The following CDYL variants were observed in gnomAD, a reference collection of about 807,000 sequenced individuals.
The protein encoded by CDYL is chromodomain Y like, also known as chromodomain Y-like protein.
Under a neutral mutation model 47.3 loss-of-function variants are expected in CDYL, and 8 were observed. The ratio of observed to expected loss-of-function variants is 0.17; its 90% CI spans 0.10 to 0.31. The LOEUF (loss-of-function observed/expected upper bound fraction) is 0.31. Among genes scored for constraint, CDYL ranks in the 10% least tolerant of loss-of-function variants. The probability of loss-of-function intolerance (pLI) is 1.00; values close to 1 mark genes in which losing one functional copy is unlikely to be tolerated. For synonymous variants in CDYL, 266 were observed against 265.0 expected (o/e 1.00, Z -0.04); for missense variants, 471 against 701.4 (o/e 0.67, Z 3.71).
rs138155497 is a variant in CDYL at position 4,947,150 on chromosome 6, G to A, written c.1332+3394G>A. Among the ~76,000 whole-genome samples, 523 of 152,332 alleles carry A rather than the reference G, an allele frequency of 3.4e-3. 1 individual carries two copies. The highest frequency in any genetic ancestry group is 0.017 in the Middle Eastern group (5 of 294). On this transcript the variant is annotated intron_variant, in intron 5 of 6. Transcript: ENST00000397588. ...GTGCAGCCCGTTTCAGGGAAGAGGC[G>A]AGTTACAGGCCTGACGCCAGGAGAG... is the stretch of plus-strand genomic sequence containing the variant.
intron 1 of CDYL, among the ~76,000 whole-genome samples, chr6:4,856,713 A>T (rs931982792): frequency 1.3e-5 from 2 of 152,210 alleles, no homozygotes; most frequent in African/African-American, 4.8e-5. Flanking sequence ...CAGAACTCTG[A>T]TGGGGAAGAC....
intron 3 of CDYL, among the ~76,000 whole-genome samples, chr6:4,771,157 A>G (rs1174710025): frequency 6.6e-6 from 1 of 151,824 alleles, no homozygotes; most frequent in East Asian, 1.9e-4. Flanking sequence ...TCTGCCATCC[A>G]GGCTGGAGTG....
intron 1 of CDYL, among the ~76,000 whole-genome samples, chr6:4,825,202 A>G (rs981462544): frequency 6.6e-6 from 1 of 151,986 alleles, no homozygotes; most frequent in African/African-American, 2.4e-5. Context: ...CCTTGCATGA[A>G]CCTATCACTT....
intron 1 of CDYL, among the ~76,000 whole-genome samples, chr6:4,810,729 G>A (rs1759503879): frequency 1.3e-5 from 2 of 152,162 alleles, no homozygotes; most frequent in African/African-American, 4.8e-5. Context: ...GCCTGGCGAG[G>A]GCTGCTCTCT....
rs1251538336 is a variant in CDYL at position 4,835,686 on chromosome 6, A to G, written c.25-56027A>G. Among the ~76,000 whole-genome samples, 6 of 152,324 alleles carry G rather than the reference A, an allele frequency of 3.9e-5. No homozygotes were observed. The South Asian group carries it at 1.0e-3, about 26-fold the overall frequency. Reference sequence around the variant, plus strand: ...TGCCCTGCCCCCAGAGGTGGAGCCTACAGAGGCAGGCAGGCAATCCTCCTT... The same window carrying G: ...TGCCCTGCCCCCAGAGGTGGAGCCTGCAGAGGCAGGCAGGCAATCCTCCTT... On this transcript the variant is annotated intron_variant, in intron 1 of 6. Transcript: ENST00000397588.
chr6:4,953,153 G>T (rs931440269), intron 6 of CDYL, among the ~76,000 whole-genome samples: 33 of 151,624 alleles, frequency 2.2e-4, no homozygotes, highest in Non-Finnish European at 3.2e-4. Context: ...GGAGGCCGAG[G>T]AGGGCAGATC....
upstream of CDYL, among the ~76,000 whole-genome samples, chr6:4,772,415 A>G (rs1188672671): frequency 6.6e-6 from 1 of 152,210 alleles, no homozygotes; most frequent in East Asian, 1.9e-4. Context: ...GACTGAAAAA[A>G]GGAATCAGCT....
chr6:4,819,619 G>C (rs1759777821), intron 1 of CDYL, among the ~76,000 whole-genome samples: 1 of 152,200 alleles, frequency 6.6e-6, no homozygotes, highest in Non-Finnish European at 1.5e-5. Context: ...GAGGTTACTA[G>C]TGATGCCATC....
At chr6:4,826,381 C>T (rs1303088117) in intron 1 of CDYL, among the ~76,000 whole-genome samples, 1 of 151,852 alleles carries the variant, frequency 6.6e-6, no homozygotes, top group Admixed American at 6.6e-5. Flanking sequence ...TATTTTCATC[C>T]TTCTGGTACC....
chr6:4,900,800 T>TAGATATAG (rs1561697564), intron 2 of CDYL, among the ~76,000 whole-genome samples: 29 of 83,078 alleles, frequency 3.5e-4, no homozygotes, highest in African/African-American at 1.4e-3. Context: ...TATATATATA[T>TAGATATAG]ATATATATAT....
At chr6:4,890,210 C>G (rs1160283419) in intron 1 of CDYL, 1 of 956,472 alleles carries the variant, frequency 1.0e-6, no homozygotes, top group Non-Finnish European at 1.2e-6. Flanking sequence ...TTTTAAAACT[C>G]TTAAACTATT....
intron 2 of CDYL, among the ~76,000 whole-genome samples, chr6:4,898,430 A>G (rs1461243445): frequency 6.6e-6 from 1 of 152,224 alleles, no homozygotes; most frequent in African/African-American, 2.4e-5. Flanking sequence ...CATGTCCTGT[A>G]TAGTGGGTCC....
chr6:4,898,854 C>T (rs754205494), intron 2 of CDYL, among the ~76,000 whole-genome samples: 21 of 152,194 alleles, frequency 1.4e-4, no homozygotes, highest in Non-Finnish European at 2.4e-4. Flanking sequence ...TGATTGATGT[C>T]GAACCAAGGC....
intron 1 of CDYL, among the ~76,000 whole-genome samples, chr6:4,810,726 G>A (rs181592191): frequency 1.3e-5 from 2 of 152,268 alleles, no homozygotes; most frequent in Admixed American, 6.5e-5. Context: ...GGTGCCTGGC[G>A]AGGGCTGCTC....
chr6:4,792,263 A>G (rs1758945793), intron 1 of CDYL, among the ~76,000 whole-genome samples: 1 of 151,526 alleles, frequency 6.6e-6, no homozygotes, highest in Non-Finnish European at 1.5e-5. Flanking sequence ...TTCCTTGTTG[A>G]TTTGTTGGAG....
chr6:4,870,035 AT>A (rs527605452), intron 1 of CDYL, among the ~76,000 whole-genome samples: 2 of 151,444 alleles, frequency 1.3e-5, no homozygotes, highest in African/African-American at 4.8e-5. Flanking sequence ...TTTTGCTTTC[AT>A]TTTTTTTCTT....
intron 3 of CDYL, among the ~76,000 whole-genome samples, chr6:4,751,574 G>A (rs906631807): frequency 1.3e-5 from 2 of 152,116 alleles, no homozygotes; most frequent in Non-Finnish European, 1.5e-5. Context: ...TAATGAAGAG[G>A]GCTGTTGTTT....
intron 1 of CDYL, among the ~76,000 whole-genome samples, chr6:4,838,059 T>C (rs73364553): frequency 0.034 from 5,132 of 152,252 alleles, 293 homozygotes; most frequent in African/African-American, 0.12. Context: ...ATTACACTTG[T>C]GAGCTATCAC....
Position 4,740,993 on chromosome 6 carries a change from G to T in CDYL, c.186+6149G>T, listed in dbSNP as rs147943012. Among the ~76,000 whole-genome samples, 618 of 152,096 alleles carry T rather than the reference G, an allele frequency of 4.1e-3. 17 individuals are homozygous for T. Among genetic ancestry groups the T allele is most frequent in the Admixed American group, 0.035 (528 of 15,258 alleles). On this transcript the variant is annotated intron_variant, in intron 3 of 8. Coordinates refer to the CDYL transcript ENST00000328908. ...GTAGAGATGGGGTTTCACCATGTTG[G>T]CCAGGCTGGTCTCGAACTCCTGACT... is the stretch of plus-strand genomic sequence containing the variant.
Sources: gnomAD v4.1 joint callset for allele counts (sites outside exome capture counted in the v4.1 genomes callset) on GRCh38, gnomAD v4.1.1 for gene constraint, MANE v1.5 for transcripts, NCBI Gene and HGNC (gene_info 2026-07-23, HGNC 2026-07-21) for gene names.